Variants in ADAMTS18 observed in about 807,000 individuals in gnomAD.
The protein encoded by ADAMTS18 is A disintegrin and metalloproteinase with thrombospondin motifs 18.
In ADAMTS18, 157 loss-of-function variants were observed where a neutral mutation model predicts 165.9. That is an observed-to-expected ratio of 0.95 (90% CI 0.83 to 1.08). ADAMTS18 has a LOEUF of 1.08. Among genes scored for constraint, ADAMTS18 ranks in the 50% least tolerant of loss-of-function variants. The probability of loss-of-function intolerance (pLI) is 0.00; values close to 1 mark genes in which losing one functional copy is unlikely to be tolerated. For missense variants in ADAMTS18, 2,040 were observed against 1,534.0 expected (o/e 1.33, Z -5.51); for synonymous variants, 782 against 578.2 (o/e 1.35, Z -5.06).
At chr16:77,386,287 A>G (rs968034529) in intron 3 of ADAMTS18, among the ~76,000 whole-genome samples, 1 of 152,172 alleles carries the variant, frequency 6.6e-6, no homozygotes, top group African/African-American at 2.4e-5. Context: ...AAAGATGCAA[A>G]TACCTATACC....
At position 77,285,983 on chromosome 16, in the gene ADAMTS18, CTTCTGCTCAAAG is replaced by C. The variant is rs374867128; in HGVS notation, c.3551-1924_3551-1913del. ...TAAAGCTAGATCCTATTGCTCTTCT[CTTCTGCTCAAAG>C]TTCTCCATTGGCTTCCATCGTACTC... On this transcript the variant is annotated intron_variant, in intron 22 of 22. Coordinates refer to ENST00000282849, the MANE Select transcript of ADAMTS18 (RefSeq NM_199355.4). 5.5e-3 allele frequency among the ~76,000 whole-genome samples: 835 copies of C among 152,280 alleles called. 10 individuals carry two copies. The highest frequency in any genetic ancestry group is 0.019 in the African/African-American group (792 of 41,566).
chr16:77,369,894 C>T (rs993782771), intron 3 of ADAMTS18, among the ~76,000 whole-genome samples: 2 of 152,114 alleles, frequency 1.3e-5, no homozygotes, highest in Non-Finnish European at 2.9e-5. Flanking sequence ...TCACCATGAT[C>T]GAGTGGAATT....
Position 77,321,191 on chromosome 16 carries a change from A to G in ADAMTS18, c.2175T>C (p.Cys725=), listed in dbSNP as rs779642244. 7 of 1,614,088 alleles carry G rather than the reference A, an allele frequency of 4.3e-6. No individual in the cohort carries two copies. The highest frequency in any genetic ancestry group is 4.0e-5 in the African/African-American group (3 of 74,954). The change falls in exon 15 of 23, where the codon TGT becomes TGC. Residue 725 remains cysteine (C), a synonymous_variant. Coordinates refer to ENST00000282849, the MANE Select transcript of ADAMTS18 (RefSeq NM_199355.4). ...CTGCTTTAGAGCCTAGTTCATGATC[A>G]CATCCCACTAGCTGTGACAAAAACA... The part of the protein sequence containing the change: ...CIDGVCELVG[C]DHELGSKAVS...
intron 11 of ADAMTS18, among the ~76,000 whole-genome samples, chr16:77,340,574 G>C (rs1011845086): frequency 1.3e-5 from 2 of 152,090 alleles, no homozygotes; most frequent in African/African-American, 4.8e-5. Flanking sequence ...AATTATTGTG[G>C]AATGAAATAA....
intron 16 of ADAMTS18, among the ~76,000 whole-genome samples, chr16:77,305,788 G>T (rs143552072): frequency 1.4e-4 from 21 of 152,232 alleles, no homozygotes; most frequent in African/African-American, 4.8e-4. Context: ...CACTGATGTG[G>T]GGAAACAGGA....
chr16:77,417,924 T>C (rs932296673), intron 3 of ADAMTS18, among the ~76,000 whole-genome samples: 3 of 152,212 alleles, frequency 2.0e-5, no homozygotes, highest in Non-Finnish European at 4.4e-5. Context: ...GTCAAGAGAA[T>C]ATAGAGGACA....
In ADAMTS18 at chr16:77,431,503, G is replaced by C. The variant is rs981183067; in HGVS notation, c.287C>G (p.Ser96Cys). 9 of 1,614,044 alleles carry C rather than the reference G, an allele frequency of 5.6e-6. No individual in the cohort carries two copies. The highest frequency in any genetic ancestry group is 6.8e-6 in the Non-Finnish European group (8 of 1,180,040). Residue 96 changes from serine to cysteine, a missense_variant, in exon 3 of 23, where the codon TCC (serine) becomes TGC (cysteine). Physicochemically the swap from Ser to Cys is moderately radical, Grantham distance 112. Coordinates refer to ENST00000282849, the MANE Select transcript of ADAMTS18 (RefSeq NM_199355.4). ...KKRSAQNARS[S>C]LHYRFSAFGQ... ...AAATGCTGAAAATCGGTAGTGCAGGGAGCTTCTGGCATTCTGCGCCGATCG... is the reference window on the plus strand; with the variant it reads ...AAATGCTGAAAATCGGTAGTGCAGGCAGCTTCTGGCATTCTGCGCCGATCG...
intron 3 of ADAMTS18, among the ~76,000 whole-genome samples, chr16:77,417,715 T>C (rs1159748024): frequency 1.3e-5 from 2 of 152,264 alleles, no homozygotes; most frequent in Non-Finnish European, 2.9e-5. Flanking sequence ...TAACTCATCA[T>C]CTAGCACTAG....
rs928774929 is a variant in ADAMTS18, at chr16:77,292,916, T to C, written c.3189+160A>G. The C allele has an allele frequency of 7.9e-6, 6 of 755,988 alleles. No individual in the cohort carries two copies. The African/African-American group carries it at 8.7e-5, about 11-fold the overall frequency. The allele number at this position is 755,988 out of a possible 1,614,324, so 46.8% of individuals were successfully genotyped here. Reference sequence around the variant, plus strand: ...CTCACTGCAAACTCCGCCTCCTGGGTTCACGCCATGCTCCTGCCTCAGCCT... The same window carrying C: ...CTCACTGCAAACTCCGCCTCCTGGGCTCACGCCATGCTCCTGCCTCAGCCT... On this transcript the variant is annotated intron_variant, in intron 20 of 22. Coordinates refer to ENST00000282849, the MANE Select transcript of ADAMTS18 (RefSeq NM_199355.4).
Position 77,362,267 on chromosome 16 carries a change from A to T in ADAMTS18, c.1057-3T>A. ...TGATGGTTGATCAATAATCCTCCCTATGGGAAACCCACACAAATCAAAGTG... is the reference window on the plus strand; with the variant it reads ...TGATGGTTGATCAATAATCCTCCCTTTGGGAAACCCACACAAATCAAAGTG... On this transcript the variant is annotated splice_polypyrimidine_tract_variant and splice_region_variant and intron_variant, in intron 6 of 22. Transcript: ENST00000282849. 6.2e-7 allele frequency: 1 copy of T among 1,614,088 alleles called. No individual in the cohort carries two copies. Among genetic ancestry groups the T allele is most frequent in the Non-Finnish European group, 8.5e-7 (1 of 1,179,994 alleles).
In ADAMTS18 at chr16:77,371,926, AAATAAC is replaced by A. The variant is rs1410525792; in HGVS notation, c.496-4209_496-4204del. On this transcript the variant is annotated intron_variant, in intron 3 of 22. Coordinates refer to ENST00000282849, the MANE Select transcript of ADAMTS18 (RefSeq NM_199355.4). ...GGAACTCAAACAACTCATCAGCAAA[AAATAAC>A]AATAATAATCTGATTTTTAAGATGG... 1.8e-4 allele frequency among the ~76,000 whole-genome samples: 27 copies of A among 152,316 alleles called. No individual in the cohort carries two copies. In the East Asian group the frequency reaches 5.2e-3, roughly 29 times the overall value.
At chr16:77,321,574 G>A (rs938773159) in intron 14 of ADAMTS18, among the ~76,000 whole-genome samples, 1 of 151,774 alleles carries the variant, frequency 6.6e-6, no homozygotes, top group Admixed American at 6.6e-5. Flanking sequence ...AAGATCAAAG[G>A]GCTCAAACTA....
chr16:77,361,067 CA>C (rs1337795764), intron 7 of ADAMTS18, among the ~76,000 whole-genome samples: 1 of 150,700 alleles, frequency 6.6e-6, no homozygotes, highest in Non-Finnish European at 1.5e-5. Flanking sequence ...GCCTGAGTGA[CA>C]AGAACAAGAC....
chr16:77,430,988 C>A (rs930042199), intron 3 of ADAMTS18, among the ~76,000 whole-genome samples: 1 of 152,166 alleles, frequency 6.6e-6, no homozygotes, highest in Non-Finnish European at 1.5e-5. Context: ...CCTGGTCTCC[C>A]GGGACATTAC....
At chr16:77,420,434 C>A (rs1410590558) in intron 3 of ADAMTS18, among the ~76,000 whole-genome samples, 1 of 152,142 alleles carries the variant, frequency 6.6e-6, no homozygotes, top group Non-Finnish European at 1.5e-5. Flanking sequence ...GGGCCCCATC[C>A]TCAGACATTC....
chr16:77,419,801 C>A (rs2057577705), intron 3 of ADAMTS18, among the ~76,000 whole-genome samples: 1 of 151,776 alleles, frequency 6.6e-6, no homozygotes, highest in Non-Finnish European at 1.5e-5. Context: ...GAGTTCGAGA[C>A]CAGCCTGGCC....
chr16:77,413,633 A>G lies in ADAMTS18; in HGVS notation c.495+17662T>C, dbSNP rs539276277. Among the ~76,000 whole-genome samples the G allele has an allele frequency of 1.2e-4, 18 of 152,304 alleles. No individual in the cohort carries two copies. The South Asian group carries it at 3.3e-3, about 28-fold the overall frequency. On this transcript the variant is annotated intron_variant, in intron 3 of 22. Coordinates refer to ENST00000282849, the MANE Select transcript of ADAMTS18 (RefSeq NM_199355.4). Reference sequence around the variant, plus strand: ...GACATTGGGTTTTAATTTCCTGACCATGGATATTTTTAAAACTATAATTGC... The same window carrying G: ...GACATTGGGTTTTAATTTCCTGACCGTGGATATTTTTAAAACTATAATTGC...
chr16:77,287,335 T>TGTAATCATCCCTATACTTG (rs1453140557), intron 22 of ADAMTS18, among the ~76,000 whole-genome samples: 2 of 152,108 alleles, frequency 1.3e-5, no homozygotes, highest in Admixed American at 6.5e-5. Flanking sequence ...CTGCCAAGCA[T>TGTAATCATCCCTATACTTG]GTAATCATCC....
At chr16:77,334,591 T>TA (rs1247064179) in intron 12 of ADAMTS18, among the ~76,000 whole-genome samples, 1 of 112,572 alleles carries the variant, frequency 8.9e-6, no homozygotes, top group African/African-American at 3.6e-5. Flanking sequence ...TTATAGTATA[T>TA]AGTATATATA....
Sources: allele counts gnomAD v4.1 joint callset (sites outside exome capture counted in the v4.1 genomes callset), GRCh38; gene constraint gnomAD v4.1.1; transcripts MANE v1.5; gene names NCBI Gene and HGNC (gene_info 2026-07-23, HGNC 2026-07-21).